The following ADAMTSL1 variants were observed in gnomAD, a reference collection of about 807,000 sequenced individuals.
ADAMTSL1 encodes ADAMTS-like protein 1.
A neutral mutation model predicts 201.8 loss-of-function variants in ADAMTSL1; 126 were observed. The observed-to-expected ratio is 0.62, with a 90% CI of 0.54 to 0.72. The LOEUF (loss-of-function observed/expected upper bound fraction) is 0.72. ADAMTSL1 is among the 30% of genes least tolerant of loss of function. The pLI is 0.00. For missense variants in ADAMTSL1, 2,679 were observed against 2,277.8 expected (o/e 1.18, Z -3.59); for synonymous variants, 1,121 against 903.4 (o/e 1.24, Z -4.32).
rs537837472 is a variant in ADAMTSL1, at chr9:18,391,385, T to C, written c.208-113444T>C. Among the ~76,000 whole-genome samples, 329 of 152,290 alleles carry C rather than the reference T, an allele frequency of 2.2e-3. 2 individuals are homozygous for C. Among genetic ancestry groups the C allele is most frequent in the African/African-American group, 7.7e-3 (321 of 41,556 alleles). ...AAAATTATATCTTTTATTTATTCTA[T>C]AATGGAAATGATTTAAAGTCATTGT... On this transcript the variant is annotated intron_variant, in intron 2 of 29. Transcript: ENST00000680146.
At chr9:18,269,209 A>G (rs563702713) in intron 2 of ADAMTSL1, among the ~76,000 whole-genome samples, 8 of 152,278 alleles carry the variant, frequency 5.3e-5, no homozygotes, top group African/African-American at 1.2e-4. Context: ...CTCTTGCTTC[A>G]TAGTTATTTA....
intron 3 of ADAMTSL1, among the ~76,000 whole-genome samples, chr9:18,551,152 A>G (rs758529478): frequency 1.3e-5 from 2 of 151,882 alleles, no homozygotes; most frequent in Non-Finnish European, 2.9e-5. Context: ...GGTGGTTTCA[A>G]TCCATATTCC....
intron 2 of ADAMTSL1, among the ~76,000 whole-genome samples, chr9:18,444,070 T>C (rs1174161741): frequency 6.6e-6 from 1 of 152,218 alleles, no homozygotes; most frequent in Non-Finnish European, 1.5e-5. Flanking sequence ...TGTGAGGATG[T>C]GTCAGAAGTT....
At chr9:18,397,308 T>A (rs1051779113) in intron 2 of ADAMTSL1, among the ~76,000 whole-genome samples, 1 of 152,284 alleles carries the variant, frequency 6.6e-6, no homozygotes, top group Non-Finnish European at 1.5e-5. Flanking sequence ...CGTGGTATAA[T>A]TCTTTTCAAG....
intron 7 of ADAMTSL1, among the ~76,000 whole-genome samples, chr9:18,644,122 T>A (rs1469745583): frequency 6.6e-6 from 1 of 151,900 alleles, no homozygotes; most frequent in Non-Finnish European, 1.5e-5. Flanking sequence ...TATTGGGGGT[T>A]TTTGGTAGGT....
chr9:18,395,750 T>A (rs981741908), intron 2 of ADAMTSL1, among the ~76,000 whole-genome samples: 3 of 152,216 alleles, frequency 2.0e-5, no homozygotes, highest in African/African-American at 7.2e-5. Flanking sequence ...GTAGTTTAAC[T>A]AGTCTTGATT....
At chr9:18,181,131 C>G (rs200864704) in intron 2 of ADAMTSL1, among the ~76,000 whole-genome samples, 3 of 152,038 alleles carry the variant, frequency 2.0e-5, no homozygotes, top group African/African-American at 4.8e-5. Flanking sequence ...ATACAAAAAT[C>G]AATTCAAGAT....
chr9:18,677,691 T>C (rs934589912), intron 10 of ADAMTSL1, among the ~76,000 whole-genome samples: 1 of 152,102 alleles, frequency 6.6e-6, no homozygotes, highest in African/African-American at 2.4e-5. Flanking sequence ...GGGATTTTTC[T>C]CCAAATGCCT....
chr9:18,404,448 C>G (rs961001), intron 2 of ADAMTSL1, among the ~76,000 whole-genome samples: 30,127 of 152,052 alleles, frequency 0.2, 3,156 homozygotes, highest in South Asian at 0.3. Flanking sequence ...CTGCTTTGAA[C>G]CCATGGGGAG....
intron 1 of ADAMTSL1, among the ~76,000 whole-genome samples, chr9:17,975,965 A>G (rs1176279994): frequency 4.6e-5 from 7 of 151,970 alleles, no homozygotes; most frequent in Non-Finnish European, 1.0e-4. Context: ...AACACTATTT[A>G]TTGAAGGAAC....
chr9:18,745,164 C>G (rs900148834), intron 15 of ADAMTSL1, among the ~76,000 whole-genome samples: 1 of 152,094 alleles, frequency 6.6e-6, no homozygotes, highest in Non-Finnish European at 1.5e-5. Flanking sequence ...AACCTTTGAC[C>G]CACTAGATTT....
chr9:17,934,672 C>T (rs1267568614), intron 1 of ADAMTSL1, among the ~76,000 whole-genome samples: 1 of 152,066 alleles, frequency 6.6e-6, no homozygotes, highest in Non-Finnish European at 1.5e-5. Context: ...TCCCTCATAG[C>T]TTCTTATTTC....
Position 18,861,918 on chromosome 9 carries a change from T to C in ADAMTSL1, c.4250-25913T>C, listed in dbSNP as rs909179033. 5.3e-5 allele frequency among the ~76,000 whole-genome samples: 8 copies of C among 152,226 alleles called. No individual in the cohort carries two copies. In the South Asian group the frequency reaches 1.0e-3, roughly 20 times the overall value. ...CCCGTCTTTACTTCCCTCACATTGT[T>C]TGTTATTTTCTTTCCTTTGTTGAGA... On this transcript the variant is annotated intron_variant, in intron 23 of 28. Coordinates refer to ENST00000380548, the MANE Select transcript of ADAMTSL1 (RefSeq NM_001040272.6).
At chr9:18,343,676 T>G (rs563351767) in intron 2 of ADAMTSL1, among the ~76,000 whole-genome samples, 46 of 152,270 alleles carry the variant, frequency 3.0e-4, no homozygotes, top group African/African-American at 1.1e-3. Context: ...AAAACTTATT[T>G]CAGAGCTTTG....
chr9:18,567,700 G>C (rs1217874359), intron 3 of ADAMTSL1, among the ~76,000 whole-genome samples: 3 of 152,076 alleles, frequency 2.0e-5, no homozygotes, highest in African/African-American at 4.8e-5. Context: ...ACTGTGGATA[G>C]TACCTAACCC....
At chr9:18,607,580 T>G (rs917530878) in intron 4 of ADAMTSL1, among the ~76,000 whole-genome samples, 1 of 151,950 alleles carries the variant, frequency 6.6e-6, no homozygotes, top group Admixed American at 6.6e-5. Flanking sequence ...CTTTTATTAT[T>G]ATTATTATTA....
At chr9:18,055,641 G>C (rs1025857339) in intron 1 of ADAMTSL1, among the ~76,000 whole-genome samples, 34 of 152,236 alleles carry the variant, frequency 2.2e-4, no homozygotes, top group African/African-American at 8.0e-4. Flanking sequence ...GTAAGCACAT[G>C]CTTCATCTAT....
At chr9:18,325,167 G>A (rs1834781846) in intron 2 of ADAMTSL1, among the ~76,000 whole-genome samples, 1 of 152,166 alleles carries the variant, frequency 6.6e-6, no homozygotes, top group Non-Finnish European at 1.5e-5. Flanking sequence ...TAACCACTTT[G>A]GAAAAGGTTT....
intron 1 of ADAMTSL1, among the ~76,000 whole-genome samples, chr9:18,100,641 T>C (rs1824473396): frequency 6.6e-6 from 1 of 152,200 alleles, no homozygotes; most frequent in Non-Finnish European, 1.5e-5. Context: ...TTTTCCTTTT[T>C]CTGTGAAATT....
Sources: gnomAD v4.1 joint callset for allele counts (sites outside exome capture counted in the v4.1 genomes callset) on GRCh38, gnomAD v4.1.1 for gene constraint, MANE v1.5 for transcripts, NCBI Gene and HGNC (gene_info 2026-07-23, HGNC 2026-07-21) for gene names.